Variants in EBF1 observed in about 807,000 individuals in gnomAD.
EBF1 encodes transcription factor COE1.
EBF1 carries 10 observed loss-of-function variants against 68.4 expected under a neutral mutation model. The ratio of observed to expected loss-of-function variants is 0.15; its 90% CI spans 0.09 to 0.25. The LOEUF is 0.25. Among genes scored for constraint, EBF1 ranks in the 10% least tolerant of loss-of-function variants. The probability of loss-of-function intolerance (pLI) is 1.00; values close to 1 mark genes in which losing one functional copy is unlikely to be tolerated. For missense variants in EBF1, 509 were observed against 794.4 expected (o/e 0.64, Z 4.32); for synonymous variants, 298 against 299.8 (o/e 0.99, Z 0.06).
At chr5:158,891,705 G>T (rs774114585) in intron 6 of EBF1, among the ~76,000 whole-genome samples, 2 of 152,104 alleles carry the variant, frequency 1.3e-5, no homozygotes, top group Admixed American at 1.3e-4. Context: ...TGTGTGTGCT[G>T]TAGACACACA....
chr5:158,775,745 A>AACACACACACAC (rs3220206), intron 10 of EBF1, among the ~76,000 whole-genome samples: 1 of 137,638 alleles, frequency 7.3e-6, no homozygotes, highest in Non-Finnish European at 1.5e-5. Flanking sequence ...AGACTTGTAA[A>AACACACACACAC]ACACACACAC....
intron 6 of EBF1, among the ~76,000 whole-genome samples, chr5:159,025,794 G>A (rs1354352578): frequency 2.0e-5 from 3 of 152,166 alleles, no homozygotes; most frequent in East Asian, 1.9e-4. Flanking sequence ...TGTGATTCCT[G>A]CTAACTACTG....
chr5:158,963,317 CA>C (rs1467367081), intron 6 of EBF1, among the ~76,000 whole-genome samples: 3 of 152,182 alleles, frequency 2.0e-5, no homozygotes, highest in Middle Eastern at 3.2e-3. Context: ...AACAGATTTG[CA>C]ATGATACTTT....
intron 6 of EBF1, among the ~76,000 whole-genome samples, chr5:159,024,417 AT>A (rs1241692354): frequency 1.3e-5 from 2 of 152,208 alleles, no homozygotes; most frequent in Non-Finnish European, 2.9e-5. Flanking sequence ...TGCTTGATAT[AT>A]TTTGGAAAGC....
intron 9 of EBF1, among the ~76,000 whole-genome samples, chr5:158,790,335 C>G (rs768230362): frequency 1.2e-4 from 19 of 152,160 alleles, no homozygotes; most frequent in Non-Finnish European, 2.2e-4. Flanking sequence ...TCTAAACATT[C>G]CTGGTCTAAT....
chr5:158,972,613 G>A (rs1417363936), intron 6 of EBF1, among the ~76,000 whole-genome samples: 1 of 152,224 alleles, frequency 6.6e-6, no homozygotes, highest in Non-Finnish European at 1.5e-5. Context: ...AAGGCTTCTT[G>A]GCTTAACGCT....
chr5:158,989,192 C>T (rs1195116280), intron 6 of EBF1, among the ~76,000 whole-genome samples: 17 of 152,214 alleles, frequency 1.1e-4, no homozygotes, highest in Admixed American at 1.1e-3. Context: ...TGGACAGCGA[C>T]AGTCTGTACC....
intron 8 of EBF1, among the ~76,000 whole-genome samples, chr5:158,804,977 T>C (rs996071831): frequency 1.4e-4 from 21 of 152,280 alleles, no homozygotes; most frequent in Middle Eastern, 3.4e-3. Context: ...CAATAGTACA[T>C]TCACGTGCCT....
intron 6 of EBF1, among the ~76,000 whole-genome samples, chr5:159,068,716 A>T (rs1340061855): frequency 6.6e-6 from 1 of 152,148 alleles, no homozygotes; most frequent in Middle Eastern, 3.2e-3. Context: ...ATTACTGAAC[A>T]TTCTATTTCA....
intron 6 of EBF1, among the ~76,000 whole-genome samples, chr5:158,928,991 C>CT (rs1017654680): frequency 7.9e-5 from 12 of 151,990 alleles, no homozygotes; most frequent in Non-Finnish European, 1.8e-4. Flanking sequence ...ATTTTTAAAT[C>CT]TTTTTTTAAA....
At chr5:159,057,069 G>A (rs1226029557) in intron 6 of EBF1, among the ~76,000 whole-genome samples, 1 of 148,948 alleles carries the variant, frequency 6.7e-6, no homozygotes, top group African/African-American at 2.5e-5. Context: ...CCTCCTCCCT[G>A]TGACTGTTAT....
intron 2 of EBF1, 49 bp downstream of exon 2, chr5:159,096,925 C>T: frequency 6.3e-7 from 1 of 1,598,674 alleles, no homozygotes; most frequent in East Asian, 2.2e-5. Context: ...CCCGGGCCTG[C>T]TCCCGAGCCG....
chr5:159,061,209 G>A (rs1053730101), intron 6 of EBF1, among the ~76,000 whole-genome samples: 7 of 152,066 alleles, frequency 4.6e-5, no homozygotes, highest in South Asian at 4.1e-4. Context: ...CTGATTTGGG[G>A]TTTGCCATAA....
intron 6 of EBF1, among the ~76,000 whole-genome samples, chr5:159,052,634 T>C (rs984791685): frequency 1.3e-5 from 2 of 152,216 alleles, no homozygotes; most frequent in Non-Finnish European, 2.9e-5. Flanking sequence ...CATTCTAAGC[T>C]GGAATTCAGA....
At chr5:158,940,203 T>G (rs1348372366) in intron 6 of EBF1, among the ~76,000 whole-genome samples, 1 of 152,228 alleles carries the variant, frequency 6.6e-6, no homozygotes, top group Non-Finnish European at 1.5e-5. Flanking sequence ...GTGTGATGGA[T>G]CCTGCAAACT....
intron 6 of EBF1, among the ~76,000 whole-genome samples, chr5:159,000,292 G>C (rs779511279): frequency 5.3e-5 from 8 of 152,018 alleles, no homozygotes; most frequent in Non-Finnish European, 1.2e-4. Flanking sequence ...ATTAAATCTT[G>C]ACCCTCCTTA....
At chr5:158,730,905 A>G in intron 11 of EBF1, 164 bp downstream of exon 11, 1 of 606,164 alleles carries the variant, frequency 1.6e-6, no homozygotes, top group South Asian at 2.1e-5. Context: ...TGCCTGGCAC[A>G]TAAGTGCTTG....
At chr5:158,751,858 T>A (rs985294346) in intron 10 of EBF1, among the ~76,000 whole-genome samples, 1 of 152,068 alleles carries the variant, frequency 6.6e-6, no homozygotes, top group Admixed American at 6.6e-5. Flanking sequence ...CATTTGAGCA[T>A]TTGTAAGTTG....
At chr5:158,764,545 C>A (rs1772217257) in intron 10 of EBF1, among the ~76,000 whole-genome samples, 1 of 152,186 alleles carries the variant, frequency 6.6e-6, no homozygotes, top group African/African-American at 2.4e-5. Flanking sequence ...TTGAGAAAGA[C>A]AAGGACACGG....
Sources: allele counts gnomAD v4.1 joint callset (sites outside exome capture counted in the v4.1 genomes callset), GRCh38; gene constraint gnomAD v4.1.1; transcripts MANE v1.5; gene names NCBI Gene and HGNC (gene_info 2026-07-23, HGNC 2026-07-21).